The following SLC25A51 variants were observed in gnomAD, a reference collection of about 807,000 sequenced individuals.
SLC25A51 encodes mitochondrial nicotinamide adenine dinucleotide transporter SLC25A51.
A neutral mutation model predicts 19.1 loss-of-function variants in SLC25A51; 11 were observed. The observed-to-expected ratio is 0.58, with a 90% CI of 0.36 to 0.96. The LOEUF (loss-of-function observed/expected upper bound fraction) is 0.96. Among genes scored for constraint, SLC25A51 ranks in the 40% least tolerant of loss-of-function variants. The pLI, the probability that SLC25A51 is intolerant of heterozygous loss-of-function variation, is 0.01. For synonymous variants in SLC25A51, 105 were observed against 133.6 expected (o/e 0.79, Z 1.47); for missense variants, 201 against 365.4 (o/e 0.55, Z 3.67).
chr9:37,897,188 C>T (rs1831734835), intron 2 of SLC25A51, among the ~76,000 whole-genome samples: 1 of 151,986 alleles, frequency 6.6e-6, no homozygotes, highest in African/African-American at 2.4e-5. Context: ...CTATGTATTT[C>T]ACCTTTTTGG....
chr9:37,892,284 G>A lies in SLC25A51; in HGVS notation c.-42-3692C>T, dbSNP rs569431813. On this transcript the variant is annotated intron_variant, in intron 2 of 2. Transcript: ENST00000242275. ...CAGGCAGGACATGACCCGTGGGCTC[G>A]GCTCTGAAAGCTGAATAACTGTCAC... Among the ~76,000 whole-genome samples, 8 of 152,318 alleles carry A rather than the reference G, an allele frequency of 5.3e-5. No homozygotes were observed. The South Asian group carries it at 6.2e-4, about 12-fold the overall frequency.
chr9:37,898,526 G>C (rs1831771553), intron 2 of SLC25A51, among the ~76,000 whole-genome samples: 1 of 151,218 alleles, frequency 6.6e-6, no homozygotes, highest in Non-Finnish European at 1.5e-5. Context: ...TTGCACTCCA[G>C]CCTGGGCAAC....
At chr9:37,900,880 CAG>C (rs1056675319) in intron 1 of SLC25A51, among the ~76,000 whole-genome samples, 1 of 152,114 alleles carries the variant, frequency 6.6e-6, no homozygotes, top group African/African-American at 2.4e-5. Flanking sequence ...TTTTTTGAGA[CAG>C]AGTTTTGCTC....
chr9:37,882,989 A>C (rs867997408), downstream of SLC25A51, among the ~76,000 whole-genome samples: 4 of 152,164 alleles, frequency 2.6e-5, no homozygotes, highest in Non-Finnish European at 2.9e-5. Flanking sequence ...GATCACAGGC[A>C]TGTGCCACCA....
intron 3 of SLC25A51, chr9:37,880,811 T>C (rs1294032902): frequency 6.6e-6 from 1 of 152,216 alleles, no homozygotes; most frequent in African/African-American, 2.4e-5. Flanking sequence ...TCTTGGGGAT[T>C]GGGAGTGCTC....
chr9:37,881,539 A>T (rs931813723), exon 3 of SLC25A51: 1 of 152,240 alleles, frequency 6.6e-6, no homozygotes, highest in Non-Finnish European at 1.5e-5. Context: ...GCTACTCAGG[A>T]GGCTGAGGCG....
intron 2 of SLC25A51, among the ~76,000 whole-genome samples, chr9:37,891,206 C>T (rs994409610): frequency 1.3e-5 from 2 of 152,210 alleles, no homozygotes; most frequent in African/African-American, 4.8e-5. Context: ...TCAGCCATCG[C>T]CCGGCCAGCC....
chr9:37,902,451 C>T (rs1021395292), intron 1 of SLC25A51, among the ~76,000 whole-genome samples: 2 of 152,174 alleles, frequency 1.3e-5, no homozygotes, highest in African/African-American at 2.4e-5. Context: ...CTGGACTTTA[C>T]AGATTTAAAG....
At chr9:37,895,491 T>C (rs1015705127) in intron 2 of SLC25A51, among the ~76,000 whole-genome samples, 1 of 151,952 alleles carries the variant, frequency 6.6e-6, no homozygotes, top group African/African-American at 2.4e-5. Flanking sequence ...GTGAGCCACC[T>C]TGCCTGCCAT....
chr9:37,896,439 C>T (rs927809322), intron 2 of SLC25A51, among the ~76,000 whole-genome samples: 7 of 152,088 alleles, frequency 4.6e-5, no homozygotes, highest in African/African-American at 1.7e-4. Context: ...GTACTCTTCC[C>T]CAAAATCCTG....
intron 2 of SLC25A51, among the ~76,000 whole-genome samples, chr9:37,898,578 G>C (rs1278260806): frequency 1.3e-4 from 19 of 151,768 alleles, no homozygotes; most frequent in Admixed American, 1.2e-3. Flanking sequence ...AATTAGCCGG[G>C]CATGGTGGCA....
At chr9:37,898,185 C>A (rs1284091014) in intron 2 of SLC25A51, among the ~76,000 whole-genome samples, 1 of 152,200 alleles carries the variant, frequency 6.6e-6, no homozygotes, top group Admixed American at 6.5e-5. Context: ...CCGAAGCAGG[C>A]AGATCACTTG....
chr9:37,884,554 T>C (rs896077609), downstream of SLC25A51, among the ~76,000 whole-genome samples: 7 of 152,024 alleles, frequency 4.6e-5, no homozygotes, highest in African/African-American at 1.7e-4. Flanking sequence ...ATTTAGAAAC[T>C]AGGGGGAAAA....
At chr9:37,894,533 C>T (rs921983312) in intron 2 of SLC25A51, among the ~76,000 whole-genome samples, 1 of 152,012 alleles carries the variant, frequency 6.6e-6, no homozygotes, top group Admixed American at 6.6e-5. Context: ...AACTTGTTGG[C>T]CAGGCTGGTC....
chr9:37,900,029 G>T (rs1427431482), intron 1 of SLC25A51, 79 bp from the exon 2 acceptor site: 10 of 97,984 alleles, frequency 1.0e-4, no homozygotes, highest in Non-Finnish European at 1.9e-4. Context: ...GTAGAGACAG[G>T]GTCTCACTAT....
chr9:37,879,217 G>C (rs1831306804), downstream of SLC25A51: 1 of 270,124 alleles, frequency 3.7e-6, no homozygotes, highest in Admixed American at 4.9e-5. Context: ...GGCAGTGGCA[G>C]GCAGAAGCAA....
exon 4 of SLC25A51, chr9:37,879,480 CAAGA>C (rs1831310897): frequency 6.0e-6 from 1 of 167,752 alleles, no homozygotes; most frequent in Non-Finnish European, 1.4e-5. Flanking sequence ...AGAAAGGTGA[CAAGA>C]AAATCAGAGA....
intron 1 of SLC25A51, among the ~76,000 whole-genome samples, chr9:37,902,215 GA>G (rs1486488674): frequency 3.9e-5 from 6 of 152,136 alleles, no homozygotes; most frequent in African/African-American, 1.4e-4. Flanking sequence ...ACTTTTACTG[GA>G]ATGTTACTTG....
downstream of SLC25A51, chr9:37,886,111 G>A: frequency 1.1e-5 from 16 of 1,466,614 alleles, no homozygotes; most frequent in South Asian, 5.7e-5. Context: ...ATGTTAGTAC[G>A]CGGTACAAAG....
Sources: gnomAD v4.1 joint callset for allele counts (sites outside exome capture counted in the v4.1 genomes callset) on GRCh38, gnomAD v4.1.1 for gene constraint, MANE v1.5 for transcripts, NCBI Gene and HGNC (gene_info 2026-07-23, HGNC 2026-07-21) for gene names.